CACNA2D3: variants seen among roughly 807,000 people sequenced by gnomAD.
CACNA2D3 encodes calcium voltage-gated channel auxiliary subunit alpha2delta 3.
In CACNA2D3, 60 loss-of-function variants were observed where a neutral mutation model predicts 160.6. The ratio of observed to expected loss-of-function variants is 0.37; its 90% CI spans 0.30 to 0.46. The LOEUF (loss-of-function observed/expected upper bound fraction) is 0.46. CACNA2D3 is among the 20% of genes least tolerant of loss of function. The pLI is 1.00. For synonymous variants in CACNA2D3, 558 were observed against 492.9 expected, an observed-to-expected ratio of 1.13 and a Z score of -1.75; for missense variants, 1,205 against 1,365.0, an observed-to-expected ratio of 0.88 and a Z score of 1.85.
At chr3:55,049,000 T>C (rs1021775563) in intron 35 of CACNA2D3, among the ~76,000 whole-genome samples, 9 of 147,918 alleles carry the variant, frequency 6.1e-5, no homozygotes, top group African/African-American at 2.3e-4. Flanking sequence ...TCTTTTTTTC[T>C]TTATTAGTCT....
chr3:55,032,769 G>C (rs1271009767), intron 35 of CACNA2D3, among the ~76,000 whole-genome samples: 1 of 152,112 alleles, frequency 6.6e-6, no homozygotes, highest in Non-Finnish European at 1.5e-5. Flanking sequence ...CATTTAGTTG[G>C]TGCTCAATAG....
intron 5 of CACNA2D3, among the ~76,000 whole-genome samples, chr3:54,520,090 T>A (rs1354507172): frequency 1.3e-5 from 2 of 152,250 alleles, no homozygotes; most frequent in African/African-American, 4.8e-5. Context: ...TTTACAAAAG[T>A]GCAAGTTAAC....
intron 12 of CACNA2D3, among the ~76,000 whole-genome samples, chr3:54,759,423 T>C (rs7636321): frequency 0.42 from 63,190 of 151,230 alleles, 13,546 homozygotes; most frequent in Non-Finnish European, 0.45. Flanking sequence ...TAGCCCTTAG[T>C]GATTTCCTAT....
At chr3:54,188,664 G>A (rs746861956) in intron 2 of CACNA2D3, among the ~76,000 whole-genome samples, 1 of 152,170 alleles carries the variant, frequency 6.6e-6, no homozygotes, top group African/African-American at 2.4e-5. Context: ...TTGCTTCACG[G>A]CTGTAGTTTA....
intron 3 of CACNA2D3, among the ~76,000 whole-genome samples, chr3:54,364,340 C>T (rs574426281): frequency 1.1e-3 from 167 of 152,356 alleles, no homozygotes; most frequent in African/African-American, 3.8e-3. Flanking sequence ...TCTCTCCCTT[C>T]GGAATAGAAA....
At chr3:54,857,055 A>G (rs1277281115) in intron 17 of CACNA2D3, among the ~76,000 whole-genome samples, 1 of 152,214 alleles carries the variant, frequency 6.6e-6, no homozygotes, top group African/African-American at 2.4e-5. Context: ...TGCTAGGATT[A>G]CAGGCGTGAG....
chr3:54,742,360 G>A (rs756315510), intron 11 of CACNA2D3, among the ~76,000 whole-genome samples: 93 of 152,296 alleles, frequency 6.1e-4, no homozygotes, highest in Non-Finnish European at 8.7e-4. Context: ...GGAGGTTGCA[G>A]TGAGCTGTGA....
intron 5 of CACNA2D3, among the ~76,000 whole-genome samples, chr3:54,555,678 G>C (rs978428457): frequency 6.6e-6 from 1 of 152,252 alleles, no homozygotes; most frequent in South Asian, 2.1e-4. Flanking sequence ...ATAGATTCTT[G>C]ACTGGCACTG....
intron 31 of CACNA2D3, among the ~76,000 whole-genome samples, chr3:54,995,041 T>C (rs1702825456): frequency 6.6e-6 from 1 of 152,208 alleles, no homozygotes; most frequent in Non-Finnish European, 1.5e-5. Context: ...TGGTGCAATC[T>C]TGGCTTACTG....
chr3:54,271,185 C>T (rs1702615700), intron 2 of CACNA2D3, among the ~76,000 whole-genome samples: 1 of 152,176 alleles, frequency 6.6e-6, no homozygotes, highest in Non-Finnish European at 1.5e-5. Context: ...CTTGATTTCA[C>T]CACCTATAAA....
chr3:54,692,283 TATTA>T (rs2106934331), intron 11 of CACNA2D3, among the ~76,000 whole-genome samples: 1 of 152,314 alleles, frequency 6.6e-6, no homozygotes, highest in African/African-American at 2.4e-5. Context: ...CAGCCAGTAA[TATTA>T]ATTTCTTTTG....
intron 2 of CACNA2D3, among the ~76,000 whole-genome samples, chr3:54,287,391 A>C (rs1273064482): frequency 6.6e-6 from 1 of 151,572 alleles, no homozygotes; most frequent in Non-Finnish European, 1.5e-5. Context: ...CTAAATATAT[A>C]TGCTCCCAAT....
At chr3:54,789,640 G>T (rs1702708789) in intron 13 of CACNA2D3, among the ~76,000 whole-genome samples, 1 of 152,144 alleles carries the variant, frequency 6.6e-6, no homozygotes, top group African/African-American at 2.4e-5. Flanking sequence ...TGAACCCAGG[G>T]TTATTTGGAC....
At chr3:54,449,595 T>C (rs911045447) in intron 4 of CACNA2D3, among the ~76,000 whole-genome samples, 41 of 152,282 alleles carry the variant, frequency 2.7e-4, no homozygotes, top group African/African-American at 9.1e-4. Context: ...GATTGGATCA[T>C]GGGGGAGGTT....
chr3:54,533,053 G>A (rs2106644306), intron 5 of CACNA2D3, among the ~76,000 whole-genome samples: 1 of 152,120 alleles, frequency 6.6e-6, no homozygotes, highest in African/African-American at 2.4e-5. Flanking sequence ...ATGATTAGTG[G>A]CCATGCCCAT....
chr3:55,021,709 G>A (rs906152886), intron 35 of CACNA2D3, among the ~76,000 whole-genome samples: 1 of 136,858 alleles, frequency 7.3e-6, no homozygotes, highest in Non-Finnish European at 1.5e-5. Flanking sequence ...ATATATATAT[G>A]TGTGTGTATA....
intron 2 of CACNA2D3, among the ~76,000 whole-genome samples, chr3:54,239,293 G>C (rs757566754): frequency 6.6e-6 from 1 of 152,170 alleles, no homozygotes; most frequent in African/African-American, 2.4e-5. Flanking sequence ...TTATTGTACT[G>C]GTTAAATGTG....
chr3:54,845,539 G>A (rs748741159), intron 16 of CACNA2D3, among the ~76,000 whole-genome samples: 57 of 152,132 alleles, frequency 3.7e-4, no homozygotes, highest in African/African-American at 1.0e-3. Flanking sequence ...GCCAGAGGCC[G>A]TTTTAATACA....
At chr3:54,252,992 C>A (rs1364241572) in intron 2 of CACNA2D3, among the ~76,000 whole-genome samples, 2 of 152,088 alleles carry the variant, frequency 1.3e-5, no homozygotes, top group African/African-American at 4.8e-5. Context: ...CTTTTAAAGT[C>A]AGTATTTGAT....
Sources: allele counts gnomAD v4.1 joint callset (sites outside exome capture counted in the v4.1 genomes callset), GRCh38; gene constraint gnomAD v4.1.1; transcripts MANE v1.5; gene names NCBI Gene and HGNC (gene_info 2026-07-23, HGNC 2026-07-21).